ARHGEF12: variants seen among roughly 807,000 people sequenced by gnomAD.
ARHGEF12 encodes KMT2A/ARHGEF12 fusion protein.
A neutral mutation model predicts 211.2 loss-of-function variants in ARHGEF12; 66 were observed. The ratio of observed to expected loss-of-function variants is 0.31; its 90% CI spans 0.26 to 0.38. The LOEUF is 0.38. ARHGEF12 is among the 10% of genes least tolerant of loss of function. ARHGEF12 has a pLI of 1.00. For missense variants in ARHGEF12, 1,429 were observed against 1,869.5 expected, an observed-to-expected ratio of 0.76 and a Z score of 4.34; for synonymous variants, 592 against 638.4, an observed-to-expected ratio of 0.93 and a Z score of 1.09.
intron 29 of ARHGEF12, among the ~76,000 whole-genome samples, chr11:120,467,913 G>A (rs998102284): frequency 1.3e-5 from 2 of 152,132 alleles, no homozygotes; most frequent in African/African-American, 4.8e-5. Flanking sequence ...TTTATGTACT[G>A]TCCCTGATTG....
At chr11:120,475,194 G>C (rs1168857744) in intron 32 of ARHGEF12, 146 bp from the exon 33 acceptor site, 7 of 698,592 alleles carry the variant, frequency 1.0e-5, no homozygotes, top group African/African-American at 1.8e-5. Flanking sequence ...TACTGAAAAT[G>C]AAATTTTAAA....
intron 6 of ARHGEF12, among the ~76,000 whole-genome samples, chr11:120,422,981 T>C (rs1349138344): frequency 2.6e-5 from 4 of 152,094 alleles, no homozygotes; most frequent in Admixed American, 2.0e-4. Flanking sequence ...AAACATACCA[T>C]GAAAAATAAT....
At chr11:120,387,127 G>A (rs964839266) in intron 1 of ARHGEF12, among the ~76,000 whole-genome samples, 4 of 151,894 alleles carry the variant, frequency 2.6e-5, no homozygotes, top group African/African-American at 4.8e-5. Context: ...TCTATTCAGT[G>A]TAAGAGATTT....
chr11:120,387,283 C>A (rs773689829), intron 1 of ARHGEF12, among the ~76,000 whole-genome samples: 1 of 151,854 alleles, frequency 6.6e-6, no homozygotes, highest in South Asian at 2.1e-4. Flanking sequence ...CATCTTCTAA[C>A]ATATTACATA....
chr11:120,481,318 G>T lies in ARHGEF12; in HGVS notation c.4296G>T (p.Glu1432Asp). The change falls in exon 39 of 41, where the codon GAG (glutamate) becomes GAT (aspartate). Residue 1432 changes from glutamate (E) to aspartate (D), a missense_variant. Physicochemically the swap from Glu to Asp is conservative, Grantham distance 45. This residue lies in a region of ARHGEF12 where 467 missense variants were observed against 468.4 expected (regional missense o/e 1.00). Transcript: ENST00000397843. Reference sequence around the variant, plus strand: ...TGCAGGAGAGTTCCACAGATGAGGAGGTTGCTTCCTCACTTACCCTGCAGC... The same window carrying T: ...TGCAGGAGAGTTCCACAGATGAGGATGTTGCTTCCTCACTTACCCTGCAGC... ...DPVQESSTDE[E>D]VASSLTLQPM... 1 of 1,614,122 alleles carries T rather than the reference G, an allele frequency of 6.2e-7. No homozygotes were observed. Among genetic ancestry groups the T allele is most frequent in the South Asian group, 1.1e-5 (1 of 91,076 alleles).
At position 120,481,941 on chromosome 11, in the gene ARHGEF12, A is replaced by T. The variant is rs531626077; in HGVS notation, c.4554+365A>T. 1.8e-4 allele frequency among the ~76,000 whole-genome samples: 27 copies of T among 151,954 alleles called. No homozygotes were observed. The South Asian group carries it at 5.4e-3, about 30-fold the overall frequency. On this transcript the variant is annotated intron_variant, in intron 39 of 40. Coordinates refer to ENST00000397843, the MANE Select transcript of ARHGEF12 (RefSeq NM_015313.3). ...CGCCCAGCTAATTTTTTGTATTTTT[A>T]ATAGAGACGGGGTTTCACCATGTTA...
chr11:120,459,573 A>G (rs1439868800), intron 26 of ARHGEF12, among the ~76,000 whole-genome samples: 1 of 152,166 alleles, frequency 6.6e-6, no homozygotes, highest in African/African-American at 2.4e-5. Flanking sequence ...AGTCAAATTC[A>G]CCGTTGAAAA....
chr11:120,347,153 TTCCTTCCTTCCTTCCTTCC>T (rs1942767075), intron 1 of ARHGEF12, among the ~76,000 whole-genome samples: 1 of 49,010 alleles, frequency 2.0e-5, no homozygotes, highest in African/African-American at 1.3e-4. Flanking sequence ...CCTTCCTTCC[TTCCTTCCTTCCTTCCTTCC>T]TTCCTTCCTT....
intron 1 of ARHGEF12, among the ~76,000 whole-genome samples, chr11:120,353,262 T>A (rs1193864244): frequency 6.6e-6 from 1 of 152,216 alleles, no homozygotes; most frequent in African/African-American, 2.4e-5. Context: ...ACTCAGAATC[T>A]TGGGAAGTCC....
intron 33 of ARHGEF12, 52 bp downstream of exon 33, chr11:120,475,559 A>C: frequency 6.3e-7 from 1 of 1,577,716 alleles, no homozygotes; most frequent in Non-Finnish European, 8.7e-7. Context: ...GTGAAGTTGC[A>C]TAAGATACTC....
At chr11:120,442,243 A>C in intron 15 of ARHGEF12, 41 bp downstream of exon 15, 1 of 1,483,192 alleles carries the variant, frequency 6.7e-7, no homozygotes, top group South Asian at 1.2e-5. Context: ...GCCTTAGTAC[A>C]TGGAATTATT....
chr11:120,468,109 T>C (rs1241679023), intron 29 of ARHGEF12, among the ~76,000 whole-genome samples: 1 of 152,230 alleles, frequency 6.6e-6, no homozygotes, highest in Admixed American at 6.5e-5. Flanking sequence ...GCCAAATCAA[T>C]GCGGTGTAAT....
intron 1 of ARHGEF12, among the ~76,000 whole-genome samples, chr11:120,339,839 A>T (rs1942476809): frequency 6.6e-6 from 1 of 152,052 alleles, no homozygotes; most frequent in African/African-American, 2.4e-5. Context: ...GATACTCAGA[A>T]CTCTGTTACA....
chr11:120,409,346 G>GT, intron 3 of ARHGEF12, 48 bp from the exon 4 acceptor site: 2 of 1,587,318 alleles, frequency 1.3e-6, no homozygotes, highest in Non-Finnish European at 1.7e-6. Context: ...CCCTTACATT[G>GT]TCTCCATATT....
intron 1 of ARHGEF12, among the ~76,000 whole-genome samples, chr11:120,378,940 A>T (rs1184536243): frequency 6.6e-6 from 1 of 152,146 alleles, no homozygotes; most frequent in African/African-American, 2.4e-5. Flanking sequence ...GCTCTTCTAG[A>T]TCTTTGCATT....
At chr11:120,437,235 T>C (rs1315922619) in intron 11 of ARHGEF12, 73 bp from the exon 12 acceptor site, 5 of 1,027,882 alleles carry the variant, frequency 4.9e-6, no homozygotes, top group Non-Finnish European at 5.7e-6. Context: ...CAATTTTTTT[T>C]TCACACTTTT....
chr11:120,392,933 C>T (rs1341250774), intron 1 of ARHGEF12, among the ~76,000 whole-genome samples: 1 of 152,182 alleles, frequency 6.6e-6, no homozygotes, highest in African/African-American at 2.4e-5. Flanking sequence ...ATCACTGTTG[C>T]TACAGATGGG....
Position 120,336,420 on chromosome 11 carries a change from G to A in ARHGEF12, c.-824G>A, listed in dbSNP as rs1407959297. Among the ~76,000 whole-genome samples the A allele has an allele frequency of 2.0e-5, 3 of 151,238 alleles. No individual in the cohort carries two copies. Among genetic ancestry groups the A allele is most frequent in the Admixed American group, 1.3e-4 (2 of 15,196 alleles). On this transcript the variant is annotated 5_prime_UTR_variant, in exon 1 of 41. Coordinates refer to ENST00000397843, the MANE Select transcript of ARHGEF12 (RefSeq NM_015313.3). ...GCGCCCGCGAGGGCCTCCAGAACCC[G>A]GCGAGCCGGCCCTGCGCCGGGAGAC...
chr11:120,466,436 A>G (rs1287411928), intron 28 of ARHGEF12, among the ~76,000 whole-genome samples: 1 of 152,188 alleles, frequency 6.6e-6, no homozygotes, highest in Non-Finnish European at 1.5e-5. Context: ...GATTTGTTTT[A>G]AAGGCTCCTC....
Sources: gnomAD v4.1 joint callset for allele counts (sites outside exome capture counted in the v4.1 genomes callset) on GRCh38, gnomAD v4.1.1 for gene constraint, gnomAD v4.1.1 regional missense constraint, MANE v1.5 for transcripts, NCBI Gene and HGNC (gene_info 2026-07-23, HGNC 2026-07-21) for gene names.